ATRNL1: variants seen among roughly 807,000 people sequenced by gnomAD.
The protein encoded by ATRNL1 is attractin like 1.
In ATRNL1, 95 loss-of-function variants were observed where a neutral mutation model predicts 182.7. The ratio of observed to expected loss-of-function variants is 0.52; its 90% CI spans 0.44 to 0.62. The LOEUF (loss-of-function observed/expected upper bound fraction) is 0.62. Among genes scored for constraint, ATRNL1 ranks in the 20% least tolerant of loss-of-function variants. The pLI, the probability that ATRNL1 is intolerant of heterozygous loss-of-function variation, is 0.00. For synonymous variants in ATRNL1, 576 were observed against 568.3 expected, an observed-to-expected ratio of 1.01 and a Z score of -0.19; for missense variants, 1,471 against 1,679.5, an observed-to-expected ratio of 0.88 and a Z score of 2.17.
chr10:115,385,724 A>C (rs1554952433), intron 19 of ATRNL1, among the ~76,000 whole-genome samples: 1 of 152,138 alleles, frequency 6.6e-6, no homozygotes, highest in East Asian at 1.9e-4. Context: ...ATTAATTCTG[A>C]GTAAAATTTG....
intron 19 of ATRNL1, among the ~76,000 whole-genome samples, chr10:115,365,616 G>T (rs1215817126): frequency 1.3e-5 from 2 of 151,692 alleles, no homozygotes; most frequent in South Asian, 2.1e-4. Context: ...TGATGTTAGG[G>T]TGTCAATTTT....
chr10:115,676,593 T>C (rs1487928861), intron 26 of ATRNL1, among the ~76,000 whole-genome samples: 1 of 151,978 alleles, frequency 6.6e-6, no homozygotes, highest in Non-Finnish European at 1.5e-5. Context: ...TGTATATATA[T>C]ATATATTTAT....
At chr10:115,384,790 G>A (rs1858238722) in intron 19 of ATRNL1, among the ~76,000 whole-genome samples, 1 of 151,426 alleles carries the variant, frequency 6.6e-6, no homozygotes, top group Non-Finnish European at 1.5e-5. Context: ...CTAAAGTTTT[G>A]CATACATAAA....
At chr10:115,734,350 A>G (rs1947887907) in intron 27 of ATRNL1, among the ~76,000 whole-genome samples, 1 of 152,136 alleles carries the variant, frequency 6.6e-6, no homozygotes. Flanking sequence ...TGTTTTTGCA[A>G]CTGTTAATTT....
At chr10:115,431,921 A>G (rs1396871101) in intron 21 of ATRNL1, among the ~76,000 whole-genome samples, 5 of 152,040 alleles carry the variant, frequency 3.3e-5, no homozygotes, top group African/African-American at 9.7e-5. Context: ...ACTAGTTACC[A>G]TTATGAACAC....
At chr10:115,920,597 A>T (rs1953022137) in intron 28 of ATRNL1, among the ~76,000 whole-genome samples, 1 of 152,202 alleles carries the variant, frequency 6.6e-6, no homozygotes, top group Non-Finnish European at 1.5e-5. Flanking sequence ...AAAGGTCCCC[A>T]GGGGGAATTT....
intron 19 of ATRNL1, among the ~76,000 whole-genome samples, chr10:115,360,410 C>G (rs1228266473): frequency 2.6e-5 from 4 of 151,712 alleles, no homozygotes; most frequent in Admixed American, 1.3e-4. Flanking sequence ...CTCTTCATGG[C>G]TTTCAGTTAA....
chr10:115,220,157 C>T (rs940639169), intron 9 of ATRNL1, among the ~76,000 whole-genome samples: 11 of 152,152 alleles, frequency 7.2e-5, no homozygotes, highest in Non-Finnish European at 8.8e-5. Flanking sequence ...GAACTGCAGT[C>T]TCTCCTAAAA....
At chr10:115,857,796 A>G (rs1555102469) in intron 28 of ATRNL1, among the ~76,000 whole-genome samples, 1 of 152,244 alleles carries the variant, frequency 6.6e-6, no homozygotes, top group Admixed American at 6.5e-5. Flanking sequence ...AGACTGACCA[A>G]TTAGAAACAA....
At chr10:115,611,054 C>CTTTTT (rs3086300) in intron 26 of ATRNL1, among the ~76,000 whole-genome samples, 2,077 of 147,034 alleles carry the variant, frequency 0.014, 27 homozygotes, top group Non-Finnish European at 0.016. Flanking sequence ...TTTCAAAGGA[C>CTTTTT]TTTTTTTTTT....
At chr10:115,403,275 T>G (rs1844664203) in intron 20 of ATRNL1, among the ~76,000 whole-genome samples, 1 of 150,688 alleles carries the variant, frequency 6.6e-6, no homozygotes, top group East Asian at 1.9e-4. Flanking sequence ...TTTTTTTTTT[T>G]TAGTCTGCTA....
At chr10:115,285,939 A>C (rs544369752) in intron 14 of ATRNL1, among the ~76,000 whole-genome samples, 1 of 152,050 alleles carries the variant, frequency 6.6e-6, no homozygotes, top group Non-Finnish European at 1.5e-5. Context: ...CCATATGCCA[A>C]TATACCAGAT....
At chr10:115,779,135 G>A (rs1844856242) in intron 27 of ATRNL1, among the ~76,000 whole-genome samples, 1 of 152,210 alleles carries the variant, frequency 6.6e-6, no homozygotes, top group African/African-American at 2.4e-5. Context: ...CATGGAAGCA[G>A]AAGCACTTAA....
At chr10:115,182,872 T>C (rs1273407398) in intron 8 of ATRNL1, among the ~76,000 whole-genome samples, 4 of 151,054 alleles carry the variant, frequency 2.6e-5, no homozygotes, top group African/African-American at 9.7e-5. Flanking sequence ...ACAAAACAGG[T>C]CAGTCATTAT....
intron 19 of ATRNL1, among the ~76,000 whole-genome samples, chr10:115,385,922 C>T (rs1554952504): frequency 6.6e-6 from 1 of 152,190 alleles, no homozygotes; most frequent in African/African-American, 2.4e-5. Flanking sequence ...TGATCACTCT[C>T]TTTGGCCTAA....
intron 9 of ATRNL1, among the ~76,000 whole-genome samples, chr10:115,230,847 T>C (rs1406118142): frequency 7.9e-6 from 1 of 126,636 alleles, no homozygotes; most frequent in Non-Finnish European, 1.6e-5. Flanking sequence ...TTGAAAAAAC[T>C]AGGGGACTGG....
intron 8 of ATRNL1, among the ~76,000 whole-genome samples, chr10:115,176,958 G>C (rs1847534088): frequency 1.3e-5 from 2 of 152,104 alleles, no homozygotes; most frequent in South Asian, 4.2e-4. Context: ...GGAGTTCTTG[G>C]GAGTTCTTAA....
At chr10:115,617,076 T>C (rs991123778) in intron 26 of ATRNL1, among the ~76,000 whole-genome samples, 1 of 152,136 alleles carries the variant, frequency 6.6e-6, no homozygotes, top group Admixed American at 6.5e-5. Context: ...TCAACAGAAG[T>C]CCATGAGATC....
At chr10:115,765,426 A>G (rs1395978275) in intron 27 of ATRNL1, among the ~76,000 whole-genome samples, 1 of 152,206 alleles carries the variant, frequency 6.6e-6, no homozygotes, top group Non-Finnish European at 1.5e-5. Flanking sequence ...ACAGAACATC[A>G]TCTCATATGC....
Sources: gnomAD v4.1 joint callset for allele counts (sites outside exome capture counted in the v4.1 genomes callset) on GRCh38, gnomAD v4.1.1 for gene constraint, MANE v1.5 for transcripts, NCBI Gene and HGNC (gene_info 2026-07-23, HGNC 2026-07-21) for gene names.